Variants in DTWD2 observed in about 807,000 individuals in gnomAD.
DTWD2 encodes the protein tRNA-uridine aminocarboxypropyltransferase 2.
DTWD2 carries 39 observed loss-of-function variants against 31.8 expected under a neutral mutation model. The observed-to-expected ratio is 1.22, with a 90% CI of 0.95 to 1.60. The LOEUF is 1.60. Ranked by LOEUF, DTWD2 falls within the 40% of genes most tolerant of loss-of-function variation. DTWD2 has a pLI of 0.00. For missense variants in DTWD2, 515 were observed against 381.5 expected, an observed-to-expected ratio of 1.35 and a Z score of -2.92; for synonymous variants, 180 against 142.8, an observed-to-expected ratio of 1.26 and a Z score of -1.86.
intron 4 of DTWD2, among the ~76,000 whole-genome samples, chr5:118,923,642 C>A (rs1415740563): frequency 6.6e-6 from 1 of 152,206 alleles, no homozygotes; most frequent in Non-Finnish European, 1.5e-5. Context: ...TGGATCTCTT[C>A]CAAGTAAGCT....
intron 4 of DTWD2, among the ~76,000 whole-genome samples, chr5:118,912,005 T>C (rs967926367): frequency 2.6e-5 from 4 of 152,214 alleles, no homozygotes; most frequent in African/African-American, 9.6e-5. Flanking sequence ...AAGAGGCATA[T>C]TTTTCTTCAC....
intron 1 of DTWD2, among the ~76,000 whole-genome samples, chr5:118,946,666 AT>A (rs1403417038): frequency 6.6e-6 from 1 of 152,048 alleles, no homozygotes; most frequent in Non-Finnish European, 1.5e-5. Flanking sequence ...TTGACTTTGA[AT>A]TTTTTTTAAT....
At chr5:118,911,127 C>G (rs1010922282) in intron 4 of DTWD2, among the ~76,000 whole-genome samples, 1 of 152,136 alleles carries the variant, frequency 6.6e-6, no homozygotes, top group East Asian at 1.9e-4. Flanking sequence ...ATAGCAAAAA[C>G]TCAACCCAAT....
chr5:118,887,880 A>C (rs531343918), intron 4 of DTWD2, among the ~76,000 whole-genome samples: 1 of 152,144 alleles, frequency 6.6e-6, no homozygotes, highest in African/African-American at 2.4e-5. Flanking sequence ...AGCTCAAGTG[A>C]CCCTCCTGCC....
rs1412978848 is a variant in DTWD2, at chr5:118,860,146, T to C, written c.598-11928A>G. On this transcript the variant is annotated intron_variant, in intron 4 of 5. Transcript: ENST00000510708. Reference sequence around the variant, plus strand: ...AAAAATAAATAAAAATATATATAAATATATGTTATATTAGTTATACTGCTA... The same window carrying C: ...AAAAATAAATAAAAATATATATAAACATATGTTATATTAGTTATACTGCTA... Among the ~76,000 whole-genome samples the C allele has an allele frequency of 2.0e-5, 3 of 150,044 alleles. No homozygotes were observed. In the East Asian group the frequency reaches 5.8e-4, roughly 29 times the overall value.
chr5:118,880,618 T>C (rs766017058), intron 4 of DTWD2, among the ~76,000 whole-genome samples: 2 of 152,174 alleles, frequency 1.3e-5, no homozygotes, highest in African/African-American at 2.4e-5. Flanking sequence ...TGCATTTAAA[T>C]GGTGCTACTC....
At chr5:118,919,069 A>G (rs368210461) in intron 4 of DTWD2, among the ~76,000 whole-genome samples, 8 of 152,200 alleles carry the variant, frequency 5.3e-5, no homozygotes, top group Non-Finnish European at 7.3e-5. Context: ...TATTATACAC[A>G]TACATATATT....
At chr5:118,938,690 G>A (rs1580422273) in intron 3 of DTWD2, among the ~76,000 whole-genome samples, 2 of 151,560 alleles carry the variant, frequency 1.3e-5, no homozygotes, top group Middle Eastern at 3.4e-3. Flanking sequence ...CTCCAGACTG[G>A]GCAACAAAGT....
chr5:118,946,453 T>A (rs887840874), intron 1 of DTWD2, among the ~76,000 whole-genome samples: 1 of 152,204 alleles, frequency 6.6e-6, no homozygotes, highest in Non-Finnish European at 1.5e-5. Context: ...AGGAACAGGA[T>A]GAGGTACATT....
chr5:118,887,440 T>C (rs1752891361), intron 4 of DTWD2, among the ~76,000 whole-genome samples: 2 of 111,432 alleles, frequency 1.8e-5, no homozygotes, highest in Non-Finnish European at 4.0e-5. Context: ...TGTCCAAATG[T>C]AAAGATCTAC....
intron 1 of DTWD2, among the ~76,000 whole-genome samples, chr5:118,949,779 G>C (rs1277089433): frequency 6.6e-6 from 1 of 152,166 alleles, no homozygotes; most frequent in Non-Finnish European, 1.5e-5. Context: ...AGGAGGCTTT[G>C]AACTGGGGAA....
rs149251031 is a variant in DTWD2, at chr5:118,877,530, A to T, written c.598-29312T>A. 1.6e-3 allele frequency among the ~76,000 whole-genome samples: 240 copies of T among 152,176 alleles called. No individual in the cohort carries two copies. In the Middle Eastern group the frequency reaches 0.02, roughly 13 times the overall value. On this transcript the variant is annotated intron_variant, in intron 4 of 5. Transcript: ENST00000510708. The stretch of plus-strand genomic sequence containing the variant: ...TCTCAAGAAACCAGTCATTGAAGAA[A>T]CATACCTCAAAATAATAAGAGCCAT...
chr5:118,874,983 C>T (rs1377687317), intron 4 of DTWD2, among the ~76,000 whole-genome samples: 2 of 152,078 alleles, frequency 1.3e-5, no homozygotes, highest in African/African-American at 4.8e-5. Flanking sequence ...AGGTCACCTA[C>T]AAAGAGAAAC....
chr5:118,924,825 G>C lies in DTWD2; in HGVS notation c.597+3712C>G, dbSNP rs139372551. On this transcript the variant is annotated intron_variant, in intron 4 of 5. Coordinates refer to ENST00000510708, the MANE Select transcript of DTWD2 (RefSeq NM_173666.4). ...CAAATTGCGGCTATGCTATGAAATAGTTATGAGATCTAAAGCAAGTTATTT... is the reference window on the plus strand; with the variant it reads ...CAAATTGCGGCTATGCTATGAAATACTTATGAGATCTAAAGCAAGTTATTT... Among the ~76,000 whole-genome samples the C allele has an allele frequency of 1.2e-4, 19 of 152,240 alleles. No homozygotes were observed. In the East Asian group the frequency reaches 3.7e-3, roughly 29 times the overall value.
chr5:118,862,057 G>C (rs1024186225), intron 4 of DTWD2, among the ~76,000 whole-genome samples: 3 of 152,224 alleles, frequency 2.0e-5, no homozygotes, highest in African/African-American at 7.2e-5. Context: ...ATTACTGCCT[G>C]AGCTGTGCCT....
chr5:118,899,522 A>G (rs961697912), intron 4 of DTWD2, among the ~76,000 whole-genome samples: 1 of 152,296 alleles, frequency 6.6e-6, no homozygotes, highest in South Asian at 2.1e-4. Context: ...GACTGCATAC[A>G]TAAGCGTTTT....
At chr5:118,907,093 A>C in intron 4 of DTWD2, among the ~76,000 whole-genome samples, 1 of 152,208 alleles carries the variant, frequency 6.6e-6, no homozygotes, top group East Asian at 1.9e-4. Context: ...CCACAGAACC[A>C]TGCTCCAATA....
chr5:118,935,663 A>G (rs1754027096), intron 3 of DTWD2, among the ~76,000 whole-genome samples: 1 of 152,216 alleles, frequency 6.6e-6, no homozygotes, highest in Admixed American at 6.5e-5. Flanking sequence ...CATAATAATG[A>G]TAAAAGGACT....
At chr5:118,974,175 T>C in intron 1 of DTWD2, 7 of 1,458,206 alleles carry the variant, frequency 4.8e-6, no homozygotes, top group Non-Finnish European at 6.6e-6. Flanking sequence ...CCTTGACCTA[T>C]TCACCCTCCA....
Sources: gnomAD v4.1 joint callset for allele counts (sites outside exome capture counted in the v4.1 genomes callset) on GRCh38, gnomAD v4.1.1 for gene constraint, MANE v1.5 for transcripts, NCBI Gene and HGNC (gene_info 2026-07-23, HGNC 2026-07-21) for gene names.